The following ERBB4 variants were observed in gnomAD, a reference collection of about 807,000 sequenced individuals.
ERBB4 encodes receptor tyrosine-protein kinase erbB-4.
Under a neutral mutation model 158.0 loss-of-function variants are expected in ERBB4, and 42 were observed. The ratio of observed to expected loss-of-function variants is 0.27; its 90% CI spans 0.21 to 0.34. ERBB4 has a LOEUF of 0.34. Ranked by LOEUF, ERBB4 falls within the 10% of genes least tolerant of loss-of-function variation. The pLI, the probability that ERBB4 is intolerant of heterozygous loss-of-function variation, is 1.00. For synonymous variants in ERBB4, 583 were observed against 558.7 expected (o/e 1.04, Z -0.61); for missense variants, 1,333 against 1,624.1 (o/e 0.82, Z 3.08).
At chr2:211,772,852 T>TATACACAC (rs1553629932) in intron 4 of ERBB4, among the ~76,000 whole-genome samples, 1 of 57,132 alleles carries the variant, frequency 1.8e-5, no homozygotes, top group African/African-American at 8.0e-5. Flanking sequence ...TATATATATA[T>TATACACAC]ATATATATAT....
chr2:211,853,252 T>C (rs1355437354), intron 3 of ERBB4, among the ~76,000 whole-genome samples: 1 of 151,940 alleles, frequency 6.6e-6, no homozygotes, highest in Non-Finnish European at 1.5e-5. Context: ...TTTTTTTTTC[T>C]TCACTTACCT....
intron 16 of ERBB4, among the ~76,000 whole-genome samples, chr2:211,656,927 A>G (rs1168781191): frequency 1.3e-5 from 2 of 152,200 alleles, no homozygotes; most frequent in Non-Finnish European, 2.9e-5. Flanking sequence ...ACATTAGTAC[A>G]TAGGTTTTTG....
At chr2:211,514,706 A>G (rs1325243244) in intron 20 of ERBB4, among the ~76,000 whole-genome samples, 2 of 152,182 alleles carry the variant, frequency 1.3e-5, no homozygotes, top group African/African-American at 4.8e-5. Context: ...ACAGGTTGAG[A>G]ATCCCTTATC....
At chr2:211,865,096 G>C (rs1307468191) in intron 3 of ERBB4, among the ~76,000 whole-genome samples, 1 of 151,648 alleles carries the variant, frequency 6.6e-6, no homozygotes, top group Admixed American at 6.6e-5. Context: ...TCCTTTTTTG[G>C]GTGCTTCCTT....
Position 211,892,861 on chromosome 2 carries a change from A to G in ERBB4, c.421+54569T>C, listed in dbSNP as rs921593296. Among the ~76,000 whole-genome samples the G allele has an allele frequency of 1.4e-5, 2 of 143,074 alleles. 1 individual carries two copies. The highest frequency in any genetic ancestry group is 5.6e-5 in the African/African-American group (2 of 36,002). 93.9% of individuals were successfully genotyped at this position (143,074 alleles called of 152,430 possible). A position where few individuals can be genotyped will look rare whatever the true frequency, so the allele number is the denominator to read the frequency against. On this transcript the variant is annotated intron_variant, in intron 3 of 27. Coordinates refer to ENST00000342788, the MANE Select transcript of ERBB4 (RefSeq NM_005235.3). ...AGGAATCCAACTTACAAGGGATGTG[A>G]AGGACCTCTTCAAGGAGAACTACAA... is the stretch of plus-strand genomic sequence containing the variant.
At chr2:211,734,365 G>A (rs949564885) in intron 5 of ERBB4, among the ~76,000 whole-genome samples, 3 of 152,138 alleles carry the variant, frequency 2.0e-5, no homozygotes, top group African/African-American at 7.2e-5. Flanking sequence ...ATTAGTGGGT[G>A]TATAAATTGA....
intron 3 of ERBB4, among the ~76,000 whole-genome samples, chr2:211,878,894 CTT>C (rs945867720): frequency 2.0e-5 from 3 of 152,020 alleles, no homozygotes; most frequent in Non-Finnish European, 2.9e-5. Flanking sequence ...TAGAGAAAGT[CTT>C]TTAAAATTAG....
intron 1 of ERBB4, among the ~76,000 whole-genome samples, chr2:212,343,828 C>G (rs2088841509): frequency 6.6e-6 from 1 of 152,048 alleles, no homozygotes. Flanking sequence ...TCATGTTTAT[C>G]TCATATTTTA....
intron 4 of ERBB4, among the ~76,000 whole-genome samples, chr2:211,771,033 A>G (rs948535770): frequency 3.3e-5 from 5 of 152,212 alleles, no homozygotes; most frequent in African/African-American, 1.2e-4. Context: ...TCTGCATCAT[A>G]TTAGGCTTTG....
At chr2:211,956,692 T>A (rs186154817) in intron 2 of ERBB4, among the ~76,000 whole-genome samples, 41 of 152,220 alleles carry the variant, frequency 2.7e-4, no homozygotes, top group Non-Finnish European at 3.8e-4. Flanking sequence ...AGTTTAGGAA[T>A]GGTAAACAAT....
intron 25 of ERBB4, among the ~76,000 whole-genome samples, chr2:211,407,108 T>G (rs996203599): frequency 6.6e-6 from 1 of 152,026 alleles, no homozygotes; most frequent in Admixed American, 6.6e-5. Context: ...TTTAAAAAAC[T>G]AAACTCAAGG....
At chr2:212,174,205 T>C (rs2081596646) in intron 1 of ERBB4, among the ~76,000 whole-genome samples, 1 of 152,116 alleles carries the variant, frequency 6.6e-6, no homozygotes, top group South Asian at 2.1e-4. Context: ...ATCTGACATT[T>C]TTGGATTTTC....
At chr2:212,365,328 A>G (rs1264474659) in intron 1 of ERBB4, among the ~76,000 whole-genome samples, 8 of 151,818 alleles carry the variant, frequency 5.3e-5, no homozygotes, top group Non-Finnish European at 8.8e-5. Context: ...GTTTTGGAAT[A>G]ATATATCCCC....
intron 2 of ERBB4, among the ~76,000 whole-genome samples, chr2:211,967,283 T>A (rs1330980252): frequency 6.6e-6 from 1 of 152,084 alleles, no homozygotes; most frequent in Admixed American, 6.6e-5. Context: ...AAACCAAAAA[T>A]CTCTCTAAAA....
At chr2:211,571,949 T>A (rs1288605666) in intron 19 of ERBB4, among the ~76,000 whole-genome samples, 4 of 152,180 alleles carry the variant, frequency 2.6e-5, no homozygotes, top group African/African-American at 4.8e-5. Context: ...ATTTTTTTTT[T>A]AATTTCAGAA....
intron 1 of ERBB4, among the ~76,000 whole-genome samples, chr2:212,135,377 T>C (rs1318911646): frequency 6.6e-6 from 1 of 152,212 alleles, no homozygotes; most frequent in Non-Finnish European, 1.5e-5. Flanking sequence ...ACATTTATCT[T>C]TGTAAATTTT....
chr2:212,099,537 G>A (rs964486809), intron 2 of ERBB4, among the ~76,000 whole-genome samples: 5 of 152,038 alleles, frequency 3.3e-5, no homozygotes, highest in African/African-American at 1.2e-4. Context: ...TAATAGCAAG[G>A]CACAATTAAT....
At chr2:212,220,862 T>G (rs888944060) in intron 1 of ERBB4, among the ~76,000 whole-genome samples, 1 of 151,570 alleles carries the variant, frequency 6.6e-6, no homozygotes, top group Non-Finnish European at 1.5e-5. Context: ...AATATCTTAC[T>G]TCTCCATTAT....
At chr2:211,526,298 C>T (rs1453857650) in intron 20 of ERBB4, among the ~76,000 whole-genome samples, 1 of 152,094 alleles carries the variant, frequency 6.6e-6, no homozygotes, top group South Asian at 2.1e-4. Context: ...AAACAAGAGT[C>T]TCTGCCTGGC....
Sources: gnomAD v4.1 joint callset for allele counts (sites outside exome capture counted in the v4.1 genomes callset) on GRCh38, gnomAD v4.1.1 for gene constraint, MANE v1.5 for transcripts, NCBI Gene and HGNC (gene_info 2026-07-23, HGNC 2026-07-21) for gene names.